The following TEX11 variants were observed in gnomAD, a reference collection of about 807,000 sequenced individuals.
TEX11 encodes testis-expressed protein 11.
TEX11 carries 7 observed loss-of-function variants against 84.4 expected under a neutral mutation model. The observed-to-expected ratio is 0.08, with a 90% confidence interval of 0.05 to 0.16. The LOEUF (loss-of-function observed/expected upper bound fraction) is 0.16. Ranked by LOEUF, TEX11 falls within the 10% of genes least tolerant of loss-of-function variation. TEX11 has a pLI of 1.00. For missense variants in TEX11, 551 were observed against 660.5 expected, an observed-to-expected ratio of 0.83 and a Z score of 1.82; for synonymous variants, 264 against 222.8, an observed-to-expected ratio of 1.18 and a Z score of -1.64.
chrX:70,796,532 T>C (rs766607305), intron 9 of TEX11, among the ~76,000 whole-genome samples: 1 of 112,006 alleles, frequency 8.9e-6, no homozygotes, highest in South Asian at 3.7e-4. Flanking sequence ...AAGACTACCT[T>C]GTGGCATCAG....
At position 70,678,840 on chromosome X, in the gene TEX11, G is replaced by T. The variant is rs769718746; in HGVS notation, c.1206C>A (p.His402Gln). ...QLTAESMNWL[H>Q]NILWRQAASS... Reference sequence around the variant, plus strand: ...TGGCAGCTTGTCTCCACAGAATGTTGTGTAACCAGTTCATTGATTCTGCTG... The same window carrying T: ...TGGCAGCTTGTCTCCACAGAATGTTTTGTAACCAGTTCATTGATTCTGCTG... Residue 402 changes from histidine to glutamine, a missense_variant, in exon 15 of 30, where the codon CAC (histidine) becomes CAA (glutamine). By Grantham distance (24) the His-to-Gln change is conservative. Transcript: ENST00000374333. 8.3e-7 allele frequency: 1 copy of T among 1,203,995 alleles called. No individual in the cohort carries two copies. The highest frequency in any genetic ancestry group is 1.8e-5 in the African/African-American group (1 of 57,100).
intron 8 of TEX11, among the ~76,000 whole-genome samples, chrX:70,811,767 T>C (rs2091256281): frequency 9.0e-6 from 1 of 111,302 alleles, no homozygotes; most frequent in South Asian, 3.9e-4. Context: ...TGCATTTCTC[T>C]GATGGCCAGT....
At chrX:70,558,579 T>C (rs1193702176) in intron 25 of TEX11, among the ~76,000 whole-genome samples, 1 of 111,897 alleles carries the variant, frequency 8.9e-6, no homozygotes, top group African/African-American at 3.2e-5. Flanking sequence ...CTGGACCTCC[T>C]CAAAGTTAAC....
chrX:70,761,499 C>T (rs1031368359), intron 9 of TEX11, among the ~76,000 whole-genome samples: 1 of 111,708 alleles, frequency 9.0e-6, no homozygotes, highest in Non-Finnish European at 1.9e-5. Context: ...TCTCAGCAAA[C>T]TATCACAAGG....
intron 7 of TEX11, among the ~76,000 whole-genome samples, chrX:70,844,627 A>T (rs930475188): frequency 2.1e-4 from 23 of 111,547 alleles, no homozygotes; most frequent in African/African-American, 5.2e-4. Context: ...TAAAATAAAA[A>T]AAAAGACTTT....
At chrX:70,598,272 A>T (rs936509256) in intron 24 of TEX11, among the ~76,000 whole-genome samples, 3 of 112,554 alleles carry the variant, frequency 2.7e-5, no homozygotes, top group African/African-American at 9.7e-5. Flanking sequence ...GATTCTCAAC[A>T]TCATTAGTCA....
intron 16 of TEX11, 80 bp from the exon 17 acceptor site, chrX:70,651,632 G>T: frequency 1.4e-6 from 1 of 699,053 alleles, no homozygotes; most frequent in Non-Finnish European, 2.1e-6. Context: ...CATTAAGGTA[G>T]TCAAAATGGC....
At chrX:70,610,449 C>G (rs1603140003) in intron 21 of TEX11, 54 bp downstream of exon 21, 2 of 1,106,724 alleles carry the variant, frequency 1.8e-6, no homozygotes, top group East Asian at 6.0e-5. Context: ...TTGGAGAATT[C>G]AACAGAGAAT....
intron 13 of TEX11, among the ~76,000 whole-genome samples, chrX:70,717,842 C>G (rs1379944790): frequency 8.9e-6 from 1 of 112,080 alleles, no homozygotes; most frequent in Non-Finnish European, 1.9e-5. Flanking sequence ...TGTAATTAAA[C>G]TTTATCATTA....
At chrX:70,790,333 A>C (rs2091110357) in intron 9 of TEX11, among the ~76,000 whole-genome samples, 1 of 111,644 alleles carries the variant, frequency 9.0e-6, no homozygotes, top group South Asian at 3.8e-4. Context: ...GAGGCACAGG[A>C]AACTGGGAAC....
chrX:70,712,864 G>C, intron 13 of TEX11, among the ~76,000 whole-genome samples: 1 of 111,491 alleles, frequency 9.0e-6, no homozygotes, highest in Non-Finnish European at 1.9e-5. Context: ...TCCCTGTCTT[G>C]TGCCGGTTTT....
chrX:70,584,175 C>T (rs1195226239), intron 25 of TEX11, among the ~76,000 whole-genome samples: 3 of 106,576 alleles, frequency 2.8e-5, no homozygotes, highest in Non-Finnish European at 5.8e-5. Flanking sequence ...CCCAGCTACT[C>T]GGGAGGCTGA....
intron 25 of TEX11, among the ~76,000 whole-genome samples, chrX:70,577,553 A>C (rs2032082720): frequency 9.0e-6 from 1 of 111,209 alleles, no homozygotes; most frequent in South Asian, 3.8e-4. Flanking sequence ...TGGAAGCAGC[A>C]AAGGGAAAAA....
intron 7 of TEX11, among the ~76,000 whole-genome samples, chrX:70,852,174 T>C (rs1225522931): frequency 4.5e-5 from 5 of 111,835 alleles, no homozygotes; most frequent in African/African-American, 1.3e-4. Context: ...AAAGGGGACT[T>C]TTCTTTTTCA....
intron 18 of TEX11, 112 bp downstream of exon 18, chrX:70,629,499 G>T: frequency 1.1e-6 from 1 of 905,243 alleles, no homozygotes; most frequent in Non-Finnish European, 1.5e-6. Flanking sequence ...GAAAATATGA[G>T]GCAAAACAAA....
intron 25 of TEX11, among the ~76,000 whole-genome samples, chrX:70,584,740 A>G (rs552648912): frequency 8.9e-6 from 1 of 112,563 alleles, no homozygotes; most frequent in East Asian, 2.8e-4. Flanking sequence ...AGTTCAACAT[A>G]AGTAAATCAA....
chrX:70,711,717 A>T (rs1489080413), intron 13 of TEX11, among the ~76,000 whole-genome samples: 1 of 110,936 alleles, frequency 9.0e-6, no homozygotes, highest in South Asian at 3.8e-4. Flanking sequence ...AGATTGCAAA[A>T]ATTTTCTCCC....
chrX:70,684,000 C>T (rs1439045020), intron 13 of TEX11, among the ~76,000 whole-genome samples: 1 of 110,394 alleles, frequency 9.1e-6, no homozygotes, highest in Non-Finnish European at 1.9e-5. Context: ...GGGATTTCCA[C>T]ATGCAAATGA....
chrX:70,761,043 A>G (rs2090905448), intron 9 of TEX11, among the ~76,000 whole-genome samples: 1 of 112,262 alleles, frequency 8.9e-6, no homozygotes, highest in Non-Finnish European at 1.9e-5. Flanking sequence ...AGAAATGCAA[A>G]TCGAAACCAC....
Sources: allele counts gnomAD v4.1 joint callset (sites outside exome capture counted in the v4.1 genomes callset), GRCh38; gene constraint gnomAD v4.1.1; transcripts MANE v1.5; gene names NCBI Gene and HGNC (gene_info 2026-07-23, HGNC 2026-07-21).